Variants in TBC1D32 observed in about 807,000 individuals in gnomAD.
TBC1D32 encodes TBC1 domain family member 32, also known as protein broad-minded.
A neutral mutation model predicts 170.3 loss-of-function variants in TBC1D32; 151 were observed. That is an observed-to-expected ratio of 0.89 (90% CI 0.78 to 1.01). TBC1D32 has a LOEUF of 1.01. Ranked by LOEUF, TBC1D32 falls within the 50% of genes least tolerant of loss-of-function variation. The probability of loss-of-function intolerance (pLI) is 0.00; values close to 1 mark genes in which losing one functional copy is unlikely to be tolerated. For missense variants in TBC1D32, 1,464 were observed against 1,457.1 expected (o/e 1.00, Z -0.08); for synonymous variants, 498 against 488.0 (o/e 1.02, Z -0.27).
At chr6:121,245,757 C>T (rs1483883737) in intron 17 of TBC1D32, among the ~76,000 whole-genome samples, 3 of 151,956 alleles carry the variant, frequency 2.0e-5, no homozygotes, top group Non-Finnish European at 4.4e-5. Context: ...CAGATTCAGG[C>T]CTGCACAAGA....
chr6:121,207,771 G>A (rs1000801948), intron 21 of TBC1D32, among the ~76,000 whole-genome samples: 20 of 152,126 alleles, frequency 1.3e-4, no homozygotes, highest in African/African-American at 4.6e-4. Flanking sequence ...GTCAGACTGA[G>A]GCCATACTGG....
chr6:121,318,456 T>G (rs1809232972), intron 2 of TBC1D32, among the ~76,000 whole-genome samples: 1 of 152,042 alleles, frequency 6.6e-6, no homozygotes, highest in East Asian at 1.9e-4. Context: ...ATAGTCTAGC[T>G]CTTTATTTTA....
At position 121,192,081 on chromosome 6, in the gene TBC1D32, T is replaced by TATATATATATATCTCC. The variant is rs1191358364; in HGVS notation, c.2570+12993_2570+12994insGGAGATATATATATAT. 1.1e-4 allele frequency among the ~76,000 whole-genome samples: 15 copies of TATATATATATATCTCC among 132,448 alleles called. 2 individuals are homozygous for TATATATATATATCTCC. Among genetic ancestry groups the TATATATATATATCTCC allele is most frequent in the Admixed American group, 5.0e-4 (5 of 9,924 alleles). 86.9% of individuals were successfully genotyped at this position (132,448 alleles called of 152,430 possible). A position where few individuals can be genotyped will look rare whatever the true frequency, so the allele number is the denominator to read the frequency against. ...AAACTACCCTTTATATATATATATA[T>TATATATATATATCTCC]ATCCTATTAGTTCTATCCTTCTGGG... On this transcript the variant is annotated intron_variant, in intron 22 of 31. Coordinates refer to ENST00000398212, the MANE Select transcript of TBC1D32 (RefSeq NM_152730.6).
In TBC1D32 at chr6:121,079,924, T is replaced by C. The variant is rs1317825484; in HGVS notation, c.*847A>G. The stretch of plus-strand genomic sequence containing the variant: ...TCAAACAAAGAATTATAAATTGATA[T>C]GGGTATCAAAAGCAACTCCTAAAAA... On this transcript the variant is annotated 3_prime_UTR_variant, in exon 32 of 32. Coordinates refer to ENST00000398212, the MANE Select transcript of TBC1D32 (RefSeq NM_152730.6). 2 of 152,142 alleles carry C rather than the reference T, an allele frequency of 1.3e-5. No homozygotes were observed. Among genetic ancestry groups the C allele is most frequent in the African/African-American group, 4.8e-5 (2 of 41,428 alleles). 9.4% of individuals were successfully genotyped at this position (152,142 alleles called of 1,614,324 possible).
At chr6:121,230,479 A>G (rs1795599385) in intron 20 of TBC1D32, among the ~76,000 whole-genome samples, 1 of 152,158 alleles carries the variant, frequency 6.6e-6, no homozygotes. Context: ...GTTTCTAATT[A>G]TAGTTCAGTA....
At chr6:121,148,763 G>A in intron 24 of TBC1D32, among the ~76,000 whole-genome samples, 1 of 151,992 alleles carries the variant, frequency 6.6e-6, no homozygotes. Context: ...ACAGGCATGT[G>A]CCACCATGCC....
At chr6:121,169,009 A>G (rs1361147615) in intron 22 of TBC1D32, among the ~76,000 whole-genome samples, 4 of 152,206 alleles carry the variant, frequency 2.6e-5, no homozygotes, top group African/African-American at 9.6e-5. Flanking sequence ...CAATTTATAG[A>G]TTCAATGCTA....
At chr6:121,254,358 A>G (rs1798691790) in intron 17 of TBC1D32, among the ~76,000 whole-genome samples, 1 of 152,190 alleles carries the variant, frequency 6.6e-6, no homozygotes, top group Non-Finnish European at 1.5e-5. Flanking sequence ...CCATGTAACC[A>G]AAAGCACCTG....
At chr6:121,150,105 A>G (rs747723241) in intron 24 of TBC1D32, among the ~76,000 whole-genome samples, 41 of 152,182 alleles carry the variant, frequency 2.7e-4, no homozygotes, top group Non-Finnish European at 5.0e-4. Context: ...TTCAAAGGGA[A>G]TGCTTCCAAA....
intron 2 of TBC1D32, among the ~76,000 whole-genome samples, chr6:121,320,315 A>G (rs940264451): frequency 2.0e-5 from 3 of 151,926 alleles, no homozygotes; most frequent in Admixed American, 2.0e-4. Flanking sequence ...AGTCATTTAA[A>G]ATCTTTGTGA....
intron 22 of TBC1D32, among the ~76,000 whole-genome samples, chr6:121,194,816 C>T (rs372627281): frequency 6.6e-6 from 1 of 152,324 alleles, no homozygotes; most frequent in East Asian, 1.9e-4. Flanking sequence ...AAAGATATCA[C>T]ACTGGTCCAT....
At chr6:121,241,259 A>G (rs976863151) in intron 19 of TBC1D32, among the ~76,000 whole-genome samples, 1 of 152,172 alleles carries the variant, frequency 6.6e-6, no homozygotes, top group African/African-American at 2.4e-5. Flanking sequence ...TATATATATC[A>G]CAGAAACACA....
intron 9 of TBC1D32, among the ~76,000 whole-genome samples, chr6:121,302,617 G>C (rs1806660344): frequency 1.3e-5 from 2 of 151,862 alleles, no homozygotes; most frequent in African/African-American, 4.8e-5. Flanking sequence ...CTTAACAGTT[G>C]TTATCCCTGT....
intron 20 of TBC1D32, among the ~76,000 whole-genome samples, chr6:121,232,986 G>A (rs144058856): frequency 1.3e-5 from 2 of 152,190 alleles, no homozygotes; most frequent in Non-Finnish European, 2.9e-5. Context: ...TTAGGAGCAG[G>A]TTATTTAATT....
intron 30 of TBC1D32, among the ~76,000 whole-genome samples, chr6:121,093,377 T>C (rs1241683485): frequency 6.6e-6 from 1 of 152,162 alleles, no homozygotes; most frequent in Non-Finnish European, 1.5e-5. Flanking sequence ...TAATTGCCTG[T>C]TGCCCTGCTG....
chr6:121,091,233 T>G (rs1776768161), intron 30 of TBC1D32, among the ~76,000 whole-genome samples, 192 bp from the exon 31 acceptor site: 1 of 152,170 alleles, frequency 6.6e-6, no homozygotes, highest in African/African-American at 2.4e-5. Context: ...AAAACTTTCA[T>G]GGCCTTGGAA....
chr6:121,156,151 T>C (rs1433147346), intron 24 of TBC1D32, among the ~76,000 whole-genome samples: 1 of 151,914 alleles, frequency 6.6e-6, no homozygotes, highest in Non-Finnish European at 1.5e-5. Context: ...GGCTTTTTTT[T>C]TTTGGTTGTT....
chr6:121,113,298 T>TTA (rs1562522430), intron 27 of TBC1D32, 121 bp from the exon 28 acceptor site: 15 of 561,766 alleles, frequency 2.7e-5, no homozygotes, highest in Admixed American at 6.6e-5. Context: ...TCTCAATACA[T>TTA]GTTTCTGATG....
intron 17 of TBC1D32, among the ~76,000 whole-genome samples, chr6:121,252,517 G>A (rs1270460759): frequency 2.0e-5 from 3 of 152,026 alleles, no homozygotes; most frequent in Non-Finnish European, 2.9e-5. Flanking sequence ...GGAGTCAAAC[G>A]ATGAGAACAC....
Sources: gnomAD v4.1 joint callset for allele counts (sites outside exome capture counted in the v4.1 genomes callset) on GRCh38, gnomAD v4.1.1 for gene constraint, MANE v1.5 for transcripts, NCBI Gene and HGNC (gene_info 2026-07-23, HGNC 2026-07-21) for gene names.